COL19A1: variants seen among roughly 807,000 people sequenced by gnomAD.
COL19A1 encodes collagen type XIX alpha 1 chain, also known as collagen alpha-1(XIX) chain.
Under a neutral mutation model 190.2 loss-of-function variants are expected in COL19A1, and 159 were observed. That is an observed-to-expected ratio of 0.84 (90% CI 0.73 to 0.95). The LOEUF (loss-of-function observed/expected upper bound fraction) is 0.95. Among genes scored for constraint, COL19A1 ranks in the 40% least tolerant of loss-of-function variants. The pLI is 0.00. For synonymous variants in COL19A1, 509 were observed against 458.9 expected, an observed-to-expected ratio of 1.11 and a Z score of -1.39; for missense variants, 1,418 against 1,431.9, an observed-to-expected ratio of 0.99 and a Z score of 0.16.
Position 70,141,885 on chromosome 6 carries a change from A to T in COL19A1, c.1483-8A>T. 3 of 1,564,520 alleles carry T rather than the reference A, an allele frequency of 1.9e-6. No homozygotes were observed. The highest frequency in any genetic ancestry group is 2.2e-5 in the South Asian group (2 of 89,920). Reference sequence around the variant, plus strand: ...GCATTACCCTTATAGTAATTATTTTATTTACAGGGAGAACCTGGGGTAATA... The same window carrying T: ...GCATTACCCTTATAGTAATTATTTTTTTTACAGGGAGAACCTGGGGTAATA... On this transcript the variant is annotated splice_region_variant and splice_polypyrimidine_tract_variant and intron_variant, in intron 20 of 50. Transcript: ENST00000620364.
chr6:70,151,671 G>T (rs1409013656), intron 31 of COL19A1, among the ~76,000 whole-genome samples: 1 of 152,082 alleles, frequency 6.6e-6, no homozygotes, highest in Non-Finnish European at 1.5e-5. Context: ...TGGGGCAGGG[G>T]TGGAGGGCAG....
At position 70,190,399 on chromosome 6, in the gene COL19A1, A is replaced by G. The variant is rs758649762; in HGVS notation, c.3094+18A>G. The stretch of plus-strand genomic sequence containing the variant: ...TTTTGAAGGTTAGATTTTCTTAATA[A>G]CATTTTCGAATTTTTCACTGATTCC... On this transcript the variant is annotated intron_variant, in intron 48 of 50. Coordinates refer to ENST00000620364, the MANE Select transcript of COL19A1 (RefSeq NM_001858.6). The G allele has an allele frequency of 6.4e-7, 1 of 1,550,530 alleles. No homozygotes were observed.
chr6:70,016,775 G>A (rs1010950910), intron 11 of COL19A1, among the ~76,000 whole-genome samples: 2 of 151,922 alleles, frequency 1.3e-5, no homozygotes, highest in Admixed American at 6.6e-5. Context: ...CAGAGGAAAT[G>A]ATCATTAATC....
At chr6:69,986,914 T>C (rs1292039120) in intron 11 of COL19A1, among the ~76,000 whole-genome samples, 2 of 152,140 alleles carry the variant, frequency 1.3e-5, no homozygotes, top group African/African-American at 4.8e-5. Flanking sequence ...TTTGTTTCAT[T>C]TTGTGTTGTG....
intron 5 of COL19A1, 73 bp downstream of exon 5, chr6:69,928,105 G>C: frequency 5.8e-6 from 9 of 1,561,768 alleles, no homozygotes; most frequent in Non-Finnish European, 7.9e-6. Context: ...TTGAACTGGT[G>C]CACAAATTTG....
intron 14 of COL19A1, among the ~76,000 whole-genome samples, chr6:70,045,551 G>C (rs1033682332): frequency 3.9e-5 from 6 of 152,094 alleles, no homozygotes; most frequent in Non-Finnish European, 8.8e-5. Flanking sequence ...AAATTGGCTT[G>C]ACTCGCATAG....
intron 14 of COL19A1, among the ~76,000 whole-genome samples, chr6:70,066,419 A>G (rs1453840970): frequency 6.6e-6 from 1 of 151,998 alleles, no homozygotes; most frequent in Non-Finnish European, 1.5e-5. Flanking sequence ...TGGACACAGG[A>G]AGGGGAACAT....
At chr6:69,995,184 T>A (rs1776834016) in intron 11 of COL19A1, among the ~76,000 whole-genome samples, 1 of 151,186 alleles carries the variant, frequency 6.6e-6, no homozygotes, top group Non-Finnish European at 1.5e-5. Flanking sequence ...ACATGTTCCA[T>A]TGGGACCATT....
intron 14 of COL19A1, among the ~76,000 whole-genome samples, chr6:70,064,292 C>T (rs1392493963): frequency 6.6e-6 from 1 of 152,166 alleles, no homozygotes; most frequent in Non-Finnish European, 1.5e-5. Context: ...ATCAAGTGGG[C>T]TTCATCCCTG....
chr6:69,955,479 G>A (rs1415087920), intron 9 of COL19A1, among the ~76,000 whole-genome samples: 23 of 150,994 alleles, frequency 1.5e-4, no homozygotes, highest in African/African-American at 3.6e-4. Context: ...AAAGAAGCAC[G>A]TTGTATTAAT....
intron 4 of COL19A1, among the ~76,000 whole-genome samples, chr6:69,922,561 A>G (rs1772056340): frequency 6.7e-6 from 1 of 148,412 alleles, no homozygotes; most frequent in South Asian, 2.1e-4. Context: ...GCTCACTGCA[A>G]CCTTCACCTC....
chr6:69,903,147 C>G (rs372890531), intron 4 of COL19A1, among the ~76,000 whole-genome samples: 9 of 152,338 alleles, frequency 5.9e-5, no homozygotes, highest in African/African-American at 2.2e-4. Flanking sequence ...TGATCACTAT[C>G]TACACTGCCT....
At chr6:69,965,107 T>G (rs1047717065) in intron 11 of COL19A1, among the ~76,000 whole-genome samples, 1 of 152,222 alleles carries the variant, frequency 6.6e-6, no homozygotes, top group Admixed American at 6.5e-5. Context: ...CTGAACAAAG[T>G]CAATCTACCT....
intron 14 of COL19A1, among the ~76,000 whole-genome samples, chr6:70,043,531 A>C (rs1192827908): frequency 6.6e-6 from 1 of 152,174 alleles, no homozygotes; most frequent in Non-Finnish European, 1.5e-5. Context: ...TGAAAGTCAA[A>C]ATTACTCCTT....
intron 4 of COL19A1, among the ~76,000 whole-genome samples, chr6:69,923,257 T>C (rs1020288554): frequency 2.6e-5 from 4 of 152,168 alleles, no homozygotes; most frequent in Admixed American, 6.6e-5. Flanking sequence ...TAGCAGGCTT[T>C]ATGGCATTTT....
intron 16 of COL19A1, among the ~76,000 whole-genome samples, chr6:70,110,081 C>A (rs1390557157): frequency 2.0e-5 from 3 of 152,198 alleles, no homozygotes; most frequent in African/African-American, 4.8e-5. Context: ...GGACCCACCT[C>A]TAAAACAATT....
intron 14 of COL19A1, among the ~76,000 whole-genome samples, chr6:70,054,000 C>T (rs1462207127): frequency 1.3e-5 from 2 of 152,168 alleles, no homozygotes; most frequent in African/African-American, 4.8e-5. Flanking sequence ...TTTGTAACAT[C>T]ATTCTGCCTG....
chr6:70,105,795 C>T (rs866752500), intron 16 of COL19A1, among the ~76,000 whole-genome samples: 1 of 152,174 alleles, frequency 6.6e-6, no homozygotes, highest in South Asian at 2.1e-4. Context: ...GTTAGAATAT[C>T]TTATGAAAAT....
intron 3 of COL19A1, 101 bp from the exon 4 acceptor site, chr6:69,900,138 T>C (rs1770076584): frequency 1.6e-6 from 1 of 615,848 alleles, no homozygotes; most frequent in Non-Finnish European, 2.5e-6. Context: ...AAGATTTCGT[T>C]TGAAGTGAAT....
Sources: gnomAD v4.1 joint callset for allele counts (sites outside exome capture counted in the v4.1 genomes callset) on GRCh38, gnomAD v4.1.1 for gene constraint, MANE v1.5 for transcripts, NCBI Gene and HGNC (gene_info 2026-07-23, HGNC 2026-07-21) for gene names.